The following CTSF variants were observed in gnomAD, a reference collection of about 807,000 sequenced individuals.
CTSF encodes cathepsin F.
CTSF carries 65 observed loss-of-function variants against 63.5 expected under a neutral mutation model. That is an observed-to-expected ratio of 1.02 (90% CI 0.84 to 1.26). The LOEUF is 1.26. CTSF is among the 50% of genes most tolerant of loss of function. The pLI is 0.00. For synonymous variants in CTSF, 256 were observed against 258.1 expected, an observed-to-expected ratio of 0.99 and a Z score of 0.08; for missense variants, 641 against 631.0, an observed-to-expected ratio of 1.02 and a Z score of -0.17.
intron 2 of CTSF, 72 bp from the exon 3 acceptor site, chr11:66,567,734 A>C: frequency 6.5e-7 from 1 of 1,547,922 alleles, no homozygotes; most frequent in Non-Finnish European, 8.7e-7. Flanking sequence ...GCCAAGATGG[A>C]GCTGGAGGCT....
chr11:66,567,395 A>G, intron 3 of CTSF, 49 bp downstream of exon 3: 1 of 1,613,162 alleles, frequency 6.2e-7, no homozygotes, highest in Non-Finnish European at 8.5e-7. Context: ...GTGATGAGGC[A>G]GCGGCTGGCT....
chr11:66,567,280 G>A lies in CTSF; in HGVS notation c.573C>T (p.Val191=). 2 of 1,614,168 alleles carry A rather than the reference G, an allele frequency of 1.2e-6. No individual in the cohort carries two copies. Among genetic ancestry groups the A allele is most frequent in the Non-Finnish European group, 1.7e-6 (2 of 1,180,026 alleles). The change falls in exon 4 of 13, where the codon GTC becomes GTT. Residue 191 remains valine, a synonymous_variant. Transcript: ENST00000310325. ...ACTCATATGTCCGGTTATAGGTAAT[G>A]ACAAAGTTCTTGAAGATTGAAGCCA... ...VKMASIFKNF[V]ITYNRTYESK...
chr11:66,566,937 A>G (rs963193443), intron 4 of CTSF, among the ~76,000 whole-genome samples: 1 of 151,986 alleles, frequency 6.6e-6, no homozygotes, highest in African/African-American at 2.4e-5. Flanking sequence ...CATGTTGGCC[A>G]GGCTGGTCTT....
At position 66,567,762 on chromosome 11, in the gene CTSF, C is replaced by T. The variant is rs555011410; in HGVS notation, c.313-100G>A. ...TGGAGGCTCCTCAGATGAGAGCCAC[C>T]CCTAAGGCAATCACCCCATCACAGT... On this transcript the variant is annotated intron_variant, in intron 2 of 12. Transcript: ENST00000310325. The T allele has an allele frequency of 1.4e-5, 21 of 1,490,128 alleles. No homozygotes were observed. In the Admixed American group the frequency reaches 3.0e-4, roughly 21 times the overall value. The allele number at this position is 1,490,128 out of a possible 1,614,324, so 92.3% of individuals were successfully genotyped here.
intron 8 of CTSF, 51 bp downstream of exon 8, chr11:66,565,620 G>A: frequency 4.4e-6 from 7 of 1,606,086 alleles, no homozygotes; most frequent in South Asian, 1.1e-5. Context: ...GTAACTTCTT[G>A]TACAGGGAGA....
In CTSF at chr11:66,565,919, A is replaced by G; in HGVS notation, c.876T>C (p.Cys292=). Residue 292 remains cysteine, a synonymous_variant, in exon 7 of 13, where the codon TGT becomes TGC. Coordinates refer to ENST00000310325, the MANE Select transcript of CTSF (RefSeq NM_003793.4). ...TGACTGAGAAGGCCCAGCAGGAGCC[A>G]CACATGCCCTACAAGAGATGGGTGG... is the stretch of plus-strand genomic sequence containing the variant. The part of the protein sequence containing the change: ...AVTKVKDQGM[C]GSCWAFSVTG... 6.2e-7 allele frequency: 1 copy of G among 1,614,100 alleles called. No individual in the cohort carries two copies. Among genetic ancestry groups the G allele is most frequent in the East Asian group, 2.2e-5 (1 of 44,882 alleles).
Position 66,564,809 on chromosome 11 carries a change from G to A in CTSF, c.1166-3C>T. The A allele has an allele frequency of 6.2e-7, 1 of 1,614,066 alleles. No homozygotes were observed. The highest frequency in any genetic ancestry group is 8.5e-7 in the Non-Finnish European group (1 of 1,180,004). ...CTTGGCCAGCCAGGCTGCCAGCTCT[G>A]AGATGGGAAGGGGTGGCATCAGTAG... On this transcript the variant is annotated splice_region_variant and splice_polypyrimidine_tract_variant and intron_variant, in intron 9 of 12. Transcript: ENST00000310325.
rs769858886 is a variant in CTSF at position 66,567,684 on chromosome 11, G to T, written c.313-22C>A. 3 of 1,604,954 alleles carry T rather than the reference G, an allele frequency of 1.9e-6. No homozygotes were observed. The Admixed American group carries it at 5.1e-5, about 27-fold the overall frequency. ...AGAGCTGGAGGGAGAGGAAGAAGCTGCTCTGGGGGCCTGGATCTGGATCTG... is the reference window on the plus strand; with the variant it reads ...AGAGCTGGAGGGAGAGGAAGAAGCTTCTCTGGGGGCCTGGATCTGGATCTG... On this transcript the variant is annotated intron_variant, in intron 2 of 12. Coordinates refer to ENST00000310325, the MANE Select transcript of CTSF (RefSeq NM_003793.4).
chr11:66,565,017 G>A lies in CTSF; in HGVS notation c.1046-11C>T, dbSNP rs1376591958. 3.2e-6 allele frequency: 5 copies of A among 1,546,478 alleles called. No individual in the cohort carries two copies. The highest frequency in any genetic ancestry group is 1.8e-4 in the Middle Eastern group (1 of 5,712). ...CTGTCTCCAGCCCTCCTGGGGAACG[G>A]TGGGGGTGAGTAGAGAAGGGCAGGC... On this transcript the variant is annotated splice_polypyrimidine_tract_variant and intron_variant, in intron 8 of 12. Coordinates refer to ENST00000310325, the MANE Select transcript of CTSF (RefSeq NM_003793.4).
chr11:66,564,846 C>T, intron 9 of CTSF, 40 bp from the exon 10 acceptor site: 1 of 1,614,126 alleles, frequency 6.2e-7, no homozygotes, highest in South Asian at 1.1e-5. Context: ...CACCCAGGCC[C>T]CGGCCCCACC....
In CTSF at chr11:66,564,545, C is replaced by T; in HGVS notation, c.1321+13G>A. 1.3e-6 allele frequency: 2 copies of T among 1,539,350 alleles called. No homozygotes were observed. The highest frequency in any genetic ancestry group is 2.4e-5 in the South Asian group (2 of 82,284). On this transcript the variant is annotated intron_variant, in intron 11 of 12. Coordinates refer to ENST00000310325, the MANE Select transcript of CTSF (RefSeq NM_003793.4). ...GTGGCCTGGCTGGATGCAGGACAGG[C>T]AGCGGAACTCACGGTTGCCGTAGCC...
chr11:66,564,203 T>C lies in CTSF; in HGVS notation c.1322-57A>G, dbSNP rs1442206935. ...GTCCTTAATTCTCCAGGCAGAGCCT[T>C]AATCACTTTGCACCCTTCAAATACT... On this transcript the variant is annotated intron_variant, in intron 11 of 12. Coordinates refer to ENST00000310325, the MANE Select transcript of CTSF (RefSeq NM_003793.4). 40 of 1,562,716 alleles carry C rather than the reference T, an allele frequency of 2.6e-5. No individual in the cohort carries two copies. In the East Asian group the frequency reaches 9.1e-4, roughly 35 times the overall value.
Position 66,568,008 on chromosome 11 carries a change from C to T in CTSF, c.288G>A (p.Arg96=). Residue 96 remains arginine, a synonymous_variant, in exon 2 of 13, where the codon CGG becomes CGA. Transcript: ENST00000310325. ...CCAGGGTTTTCTTGGACACGGGGAG[C>T]CGGCACACCATGGGGTCGTTGCAGG... ...EPPCNDPMVC[R]LPVSKKTLLC... The T allele has an allele frequency of 4.4e-6, 7 of 1,596,442 alleles. No individual in the cohort carries two copies. Among genetic ancestry groups the T allele is most frequent in the South Asian group, 1.1e-5 (1 of 89,308 alleles).
At chr11:66,565,448 C>T (rs1857907561) in intron 8 of CTSF, among the ~76,000 whole-genome samples, 1 of 152,098 alleles carries the variant, frequency 6.6e-6, no homozygotes, top group Non-Finnish European at 1.5e-5. Flanking sequence ...TGCTATGTTG[C>T]CCAACCTGGT....
intron 4 of CTSF, 89 bp from the exon 5 acceptor site, chr11:66,566,493 G>T: frequency 8.0e-7 from 1 of 1,251,894 alleles, no homozygotes; most frequent in Admixed American, 2.0e-5. Flanking sequence ...GGTTTCCCCG[G>T]GGAGCAGGTA....
intron 8 of CTSF, 125 bp from the exon 9 acceptor site, chr11:66,565,131 C>A: frequency 6.9e-7 from 1 of 1,443,404 alleles, no homozygotes; most frequent in Non-Finnish European, 9.2e-7. Context: ...AGGCCATCCC[C>A]TCTGAAGAAT....
At chr11:66,565,808 G>C (rs891337822) in intron 7 of CTSF, 23 bp downstream of exon 7, 3 of 1,613,786 alleles carry the variant, frequency 1.9e-6, no homozygotes, top group African/African-American at 2.7e-5. Flanking sequence ...GCTGGGGACA[G>C]AGGAGTAGAG....
At position 66,567,955 on chromosome 11, in the gene CTSF, C is replaced by A. The variant is rs373797142; in HGVS notation, c.312+29G>T. 1.8e-5 allele frequency: 28 copies of A among 1,566,834 alleles called. No homozygotes were observed. The African/African-American group carries it at 2.3e-4, about 13-fold the overall frequency. On this transcript the variant is annotated intron_variant, in intron 2 of 12. Transcript: ENST00000310325. ...ACTGCTGCTTTACTCGGCCTCGGGGCGGGGAACCCCAAGAGCCTCATCACT... is the reference window on the plus strand; with the variant it reads ...ACTGCTGCTTTACTCGGCCTCGGGGAGGGGAACCCCAAGAGCCTCATCACT...
Position 66,563,984 on chromosome 11 carries a change from C to T in CTSF, c.1404G>A (p.Gly468=), listed in dbSNP as rs1430430321. ...GEKGYYYLHR[G]SGACGVNTMA... ...TGGTGTTCACGCCACAGGCCCCGGACCCACGATGCAAGTAGTAGTAACCCT... is the reference window on the plus strand; with the variant it reads ...TGGTGTTCACGCCACAGGCCCCGGATCCACGATGCAAGTAGTAGTAACCCT... The change falls in exon 13 of 13, where the codon GGG becomes GGA. Residue 468 remains glycine, a synonymous_variant. Transcript: ENST00000310325. 1.9e-6 allele frequency: 3 copies of T among 1,613,694 alleles called. No individual in the cohort carries two copies. The highest frequency in any genetic ancestry group is 2.2e-5 in the East Asian group (1 of 44,886).
Sources: gnomAD v4.1 joint callset for allele counts (sites outside exome capture counted in the v4.1 genomes callset) on GRCh38, gnomAD v4.1.1 for gene constraint, MANE v1.5 for transcripts, NCBI Gene and HGNC (gene_info 2026-07-23, HGNC 2026-07-21) for gene names.